The following KCNH1 variants were observed in gnomAD, a reference collection of about 807,000 sequenced individuals.
KCNH1 encodes potassium voltage-gated channel subfamily H member 1.
In KCNH1, 27 loss-of-function variants were observed where a neutral mutation model predicts 69.2. That is an observed-to-expected ratio of 0.39 (90% CI 0.29 to 0.54). The LOEUF is 0.54. KCNH1 is among the 20% of genes least tolerant of loss of function. The probability of loss-of-function intolerance (pLI) is 0.68; values close to 1 mark genes in which losing one functional copy is unlikely to be tolerated. For synonymous variants in KCNH1, 456 were observed against 487.7 expected (o/e 0.93, Z 0.86); for missense variants, 798 against 1,261.6 (o/e 0.63, Z 5.57).
intron 5 of KCNH1, among the ~76,000 whole-genome samples, chr1:211,059,156 T>C (rs2102447737): frequency 6.6e-6 from 1 of 152,088 alleles, no homozygotes; most frequent in Admixed American, 6.5e-5. Flanking sequence ...GGCATGTGCC[T>C]GTACTCCCAG....
intron 5 of KCNH1, among the ~76,000 whole-genome samples, chr1:211,057,388 T>G (rs990737098): frequency 6.6e-6 from 1 of 152,122 alleles, no homozygotes; most frequent in African/African-American, 2.4e-5. Flanking sequence ...GTGGTCCTAG[T>G]ACTTTGGGAG....
intron 7 of KCNH1, among the ~76,000 whole-genome samples, chr1:210,813,427 TGAG>T (rs1684747962): frequency 6.6e-6 from 1 of 152,118 alleles, no homozygotes; most frequent in Non-Finnish European, 1.5e-5. Flanking sequence ...TATTCATGGA[TGAG>T]GAGGGGCTGA....
chr1:210,992,847 C>A (rs1251582047), intron 6 of KCNH1, among the ~76,000 whole-genome samples: 1 of 152,070 alleles, frequency 6.6e-6, no homozygotes, highest in Admixed American at 6.6e-5. Flanking sequence ...CTTCTCCTAC[C>A]TTTTCTAAAT....
At chr1:211,117,736 T>C (rs932081748) in intron 1 of KCNH1, among the ~76,000 whole-genome samples, 1 of 152,232 alleles carries the variant, frequency 6.6e-6, no homozygotes, top group Non-Finnish European at 1.5e-5. Context: ...TTGTCCCTAA[T>C]GAGCTGTAGG....
chr1:211,086,019 T>C (rs990447831), intron 4 of KCNH1, among the ~76,000 whole-genome samples: 1 of 152,200 alleles, frequency 6.6e-6, no homozygotes, highest in Admixed American at 6.5e-5. Flanking sequence ...GGCAGGCATA[T>C]ATTAGATCAT....
At chr1:210,911,557 TA>T (rs35500832) in intron 7 of KCNH1, among the ~76,000 whole-genome samples, 14,294 of 92,026 alleles carry the variant, frequency 0.16, 832 homozygotes, top group East Asian at 0.34. Flanking sequence ...TAAAGTATAA[TA>T]AAAAAAAAAA....
At chr1:211,110,461 G>A (rs1449884891) in intron 1 of KCNH1, among the ~76,000 whole-genome samples, 1 of 152,078 alleles carries the variant, frequency 6.6e-6, no homozygotes, top group African/African-American at 2.4e-5. Context: ...TAAAGGTATG[G>A]CAGGAAAGGG....
intron 7 of KCNH1, among the ~76,000 whole-genome samples, chr1:210,841,059 C>T (rs1192452619): frequency 6.6e-6 from 1 of 152,066 alleles, no homozygotes; most frequent in Non-Finnish European, 1.5e-5. Context: ...AAACCTGTTC[C>T]TCATACTTAA....
In KCNH1 at chr1:211,009,544, G is replaced by A. The variant is rs1689354025; in HGVS notation, c.1032+9239C>T. On this transcript the variant is annotated intron_variant, in intron 6 of 10. Transcript: ENST00000271751. ...GAGAAGGAGGGAAGCAGAGTACGTGGGGTGGGTGCAGGCCACAAAGTGGAT... is the reference window on the plus strand; with the variant it reads ...GAGAAGGAGGGAAGCAGAGTACGTGAGGTGGGTGCAGGCCACAAAGTGGAT... Among the ~76,000 whole-genome samples, 4 of 152,258 alleles carry A rather than the reference G, an allele frequency of 2.6e-5. No homozygotes were observed. The South Asian group carries it at 8.3e-4, about 32-fold the overall frequency.
At chr1:210,791,912 AAAAT>A (rs996493489) in intron 9 of KCNH1, among the ~76,000 whole-genome samples, 5 of 152,212 alleles carry the variant, frequency 3.3e-5, no homozygotes, top group Admixed American at 6.5e-5. Flanking sequence ...CCTTCTAAAA[AAAAT>A]AAATAAATAA....
intron 5 of KCNH1, among the ~76,000 whole-genome samples, chr1:211,037,492 C>CTTTTTT (rs59386390): frequency 1.8e-4 from 21 of 115,372 alleles, no homozygotes; most frequent in African/African-American, 5.4e-4. Context: ...TAATTCAGTG[C>CTTTTTT]TTTTTTTTTT....
intron 4 of KCNH1, among the ~76,000 whole-genome samples, 164 bp downstream of exon 4, chr1:211,090,398 C>T (rs1351882294): frequency 6.6e-6 from 1 of 152,194 alleles, no homozygotes; most frequent in African/African-American, 2.4e-5. Flanking sequence ...TTCTCCTACC[C>T]CGATACACTC....
intron 6 of KCNH1, among the ~76,000 whole-genome samples, chr1:210,989,049 C>T (rs1401497210): frequency 6.6e-6 from 1 of 152,142 alleles, no homozygotes. Flanking sequence ...GCTACTGTCA[C>T]ACATTTTAGG....
chr1:210,985,176 G>C (rs1027688290), intron 6 of KCNH1, among the ~76,000 whole-genome samples: 11 of 151,770 alleles, frequency 7.2e-5, no homozygotes, highest in East Asian at 1.9e-4. Flanking sequence ...TCTCTCTTTT[G>C]TTCTTTATTA....
chr1:210,829,036 G>A (rs937542523), intron 7 of KCNH1, among the ~76,000 whole-genome samples: 1 of 152,186 alleles, frequency 6.6e-6, no homozygotes. Context: ...ATGTTTTCAA[G>A]TATGTTGTGT....
intron 10 of KCNH1, among the ~76,000 whole-genome samples, chr1:210,747,380 C>T (rs1558452601): frequency 6.6e-6 from 1 of 151,906 alleles, no homozygotes; most frequent in African/African-American, 2.4e-5. Context: ...GTGAGGGTCA[C>T]ACACTTCAGT....
At chr1:211,055,866 T>C (rs72759526) in intron 5 of KCNH1, among the ~76,000 whole-genome samples, 23,439 of 152,104 alleles carry the variant, frequency 0.15, 2,023 homozygotes, top group Non-Finnish European at 0.2. Context: ...TAGGCTTCAC[T>C]ATGTGCTGAC....
At chr1:211,044,164 G>A (rs1690051055) in intron 5 of KCNH1, among the ~76,000 whole-genome samples, 1 of 152,192 alleles carries the variant, frequency 6.6e-6, no homozygotes, top group African/African-American at 2.4e-5. Context: ...ACTGTTTGCT[G>A]ATGATATGAT....
intron 6 of KCNH1, among the ~76,000 whole-genome samples, chr1:210,997,815 C>G (rs952041313): frequency 6.6e-6 from 1 of 152,162 alleles, no homozygotes; most frequent in Non-Finnish European, 1.5e-5. Flanking sequence ...GCTGATCTCT[C>G]GGCAGAAATT....
Sources: gnomAD v4.1 joint callset for allele counts (sites outside exome capture counted in the v4.1 genomes callset) on GRCh38, gnomAD v4.1.1 for gene constraint, MANE v1.5 for transcripts, NCBI Gene and HGNC (gene_info 2026-07-23, HGNC 2026-07-21) for gene names.